STK3: variants seen among roughly 807,000 people sequenced by gnomAD.
STK3 encodes the protein serine/threonine-protein kinase 3.
Under a neutral mutation model 58.0 loss-of-function variants are expected in STK3, and 41 were observed. The ratio of observed to expected loss-of-function variants is 0.71; its 90% CI spans 0.55 to 0.92. The LOEUF is 0.92. Among genes scored for constraint, STK3 ranks in the 40% least tolerant of loss-of-function variants. STK3 has a pLI of 0.00. For synonymous variants in STK3, 170 were observed against 191.0 expected (o/e 0.89, Z 0.91); for missense variants, 479 against 602.7 (o/e 0.79, Z 2.15).
At chr8:98,855,487 C>T (rs1836633807) in intron 3 of STK3, among the ~76,000 whole-genome samples, 1 of 152,162 alleles carries the variant, frequency 6.6e-6, no homozygotes, top group Admixed American at 6.5e-5. Flanking sequence ...GGACCCTTAC[C>T]TCCCACTATT....
At chr8:98,923,269 G>A (rs73699940) in intron 1 of STK3, among the ~76,000 whole-genome samples, 1 of 152,190 alleles carries the variant, frequency 6.6e-6, no homozygotes, top group South Asian at 2.1e-4. Context: ...GATTGAGTTT[G>A]TGGGAGTTAT....
chr8:98,385,192 C>G (rs1445271683), intron 1 of STK3, among the ~76,000 whole-genome samples: 1 of 151,910 alleles, frequency 6.6e-6, no homozygotes, highest in Non-Finnish European at 1.5e-5. Flanking sequence ...TTGTGCCTTC[C>G]TCCCACACCT....
chr8:98,551,640 C>T (rs1176587853), intron 8 of STK3, among the ~76,000 whole-genome samples: 1 of 152,268 alleles, frequency 6.6e-6, no homozygotes, highest in South Asian at 2.1e-4. Flanking sequence ...ATCTACCCAG[C>T]AACTGCCTAT....
At position 98,425,976 on chromosome 8, in the gene STK3, C is replaced by A. The variant is rs536356066; in HGVS notation, n.483+8151G>T. 5.3e-5 allele frequency among the ~76,000 whole-genome samples: 8 copies of A among 152,318 alleles called. No homozygotes were observed. In the East Asian group the frequency reaches 1.5e-3, roughly 29 times the overall value. On this transcript the variant is annotated intron_variant and non_coding_transcript_variant, in intron 3 of 3. Transcript: ENST00000517832. ...ACAGAGAAACACCAAAGGGAGGGGG[C>A]TCCCCAGGGACTGGGTCCATTTCTC...
Position 98,455,612 on chromosome 8 carries a change from A to C in STK3, c.*230T>G. 1.8e-6 allele frequency: 1 copy of C among 542,294 alleles called. No individual in the cohort carries two copies. Among genetic ancestry groups the C allele is most frequent in the South Asian group, 2.3e-5 (1 of 43,626 alleles). 33.6% of individuals were successfully genotyped at this position (542,294 alleles called of 1,614,324 possible). ...GTTTTATTACTGGTATGCAGCTGAC[A>C]GAACAAGAGAATACACTTCTTTTGT... On this transcript the variant is annotated 3_prime_UTR_variant, in exon 11 of 11. Coordinates refer to ENST00000419617, the MANE Select transcript of STK3 (RefSeq NM_006281.4).
At chr8:98,873,471 T>A (rs1378025945) in intron 3 of STK3, among the ~76,000 whole-genome samples, 1 of 152,176 alleles carries the variant, frequency 6.6e-6, no homozygotes, top group Non-Finnish European at 1.5e-5. Flanking sequence ...TGTGTGGGAG[T>A]CTAAGTCTCT....
chr8:98,877,206 A>G (rs1837586323), intron 3 of STK3, among the ~76,000 whole-genome samples: 1 of 152,240 alleles, frequency 6.6e-6, no homozygotes, highest in African/African-American at 2.4e-5. Flanking sequence ...TAATGACAAT[A>G]CAAACGGGCA....
upstream of STK3, among the ~76,000 whole-genome samples, chr8:98,391,671 A>G (rs1817849407): frequency 6.6e-6 from 1 of 152,154 alleles, no homozygotes; most frequent in South Asian, 2.1e-4. Flanking sequence ...CAATCTGCCT[A>G]TTACTATTTG....
intron 8 of STK3, among the ~76,000 whole-genome samples, chr8:98,557,707 G>T (rs966266094): frequency 1.8e-4 from 28 of 152,100 alleles, no homozygotes; most frequent in African/African-American, 6.5e-4. Flanking sequence ...TCTCACTGCT[G>T]TAAGTAGGTG....
chr8:98,448,896 TTAAG>T (rs1432620792), intron 1 of STK3, among the ~76,000 whole-genome samples: 2 of 152,172 alleles, frequency 1.3e-5, no homozygotes, highest in Non-Finnish European at 2.9e-5. Flanking sequence ...ATAGAAAACA[TTAAG>T]TAACTTATGA....
At chr8:98,703,453 T>C (rs1329453240) in intron 6 of STK3, among the ~76,000 whole-genome samples, 9 of 152,204 alleles carry the variant, frequency 5.9e-5, no homozygotes, top group African/African-American at 9.7e-5. Context: ...CATAGTGTCA[T>C]ATCCTACCAG....
At chr8:98,891,123 G>A (rs1304906454) in intron 1 of STK3, among the ~76,000 whole-genome samples, 2 of 152,228 alleles carry the variant, frequency 1.3e-5, no homozygotes, top group Non-Finnish European at 2.9e-5. Flanking sequence ...AGCCTCTGAA[G>A]GTCAGTCTAC....
At chr8:98,573,530 A>G (rs1813135216) in intron 8 of STK3, among the ~76,000 whole-genome samples, 1 of 152,134 alleles carries the variant, frequency 6.6e-6, no homozygotes, top group African/African-American at 2.4e-5. Flanking sequence ...GGAATAAGGG[A>G]ACTACAATTC....
intron 1 of STK3, among the ~76,000 whole-genome samples, chr8:98,813,665 T>C (rs892375380): frequency 1.3e-5 from 2 of 152,204 alleles, no homozygotes; most frequent in African/African-American, 4.8e-5. Context: ...TCTAAGAATT[T>C]TCTCCACTTA....
chr8:98,747,757 G>T (rs1022267261), intron 4 of STK3, among the ~76,000 whole-genome samples: 2 of 152,146 alleles, frequency 1.3e-5, no homozygotes, highest in Non-Finnish European at 2.9e-5. Flanking sequence ...AATCTCTTGT[G>T]CAGCTCTGGG....
At chr8:98,420,811 C>T (rs1818163777) in intron 3 of STK3, among the ~76,000 whole-genome samples, 1 of 152,242 alleles carries the variant, frequency 6.6e-6, no homozygotes, top group South Asian at 2.1e-4. Flanking sequence ...AATTGGCACT[C>T]GTCATGGCTA....
intron 3 of STK3, among the ~76,000 whole-genome samples, chr8:98,762,331 C>A (rs1165451956): frequency 6.6e-6 from 1 of 152,216 alleles, no homozygotes; most frequent in Non-Finnish European, 1.5e-5. Context: ...TCTTGGCTCA[C>A]TGCAACCTCT....
chr8:98,443,576 G>A (rs978845741), intron 1 of STK3, among the ~76,000 whole-genome samples: 1 of 152,198 alleles, frequency 6.6e-6, no homozygotes, highest in Non-Finnish European at 1.5e-5. Context: ...GGCTGGGCAT[G>A]GTGGCTCATG....
intron 9 of STK3, among the ~76,000 whole-genome samples, chr8:98,539,499 T>C (rs1382285169): frequency 2.0e-5 from 3 of 152,058 alleles, no homozygotes; most frequent in Admixed American, 2.0e-4. Flanking sequence ...CCAGAGTAAC[T>C]CCTAAAAAGC....
Sources: gnomAD v4.1 joint callset for allele counts (sites outside exome capture counted in the v4.1 genomes callset) on GRCh38, gnomAD v4.1.1 for gene constraint, MANE v1.5 for transcripts, NCBI Gene and HGNC (gene_info 2026-07-23, HGNC 2026-07-21) for gene names.